CASD1: variants seen among roughly 807,000 people sequenced by gnomAD.
CASD1 encodes CAS1 domain sialic acid O acetyltransferase 1.
In CASD1, 41 loss-of-function variants were observed where a neutral mutation model predicts 100.0. That is an observed-to-expected ratio of 0.41 (90% CI 0.32 to 0.53). The LOEUF is 0.53. Among genes scored for constraint, CASD1 ranks in the 20% least tolerant of loss-of-function variants. The pLI, the probability that CASD1 is intolerant of heterozygous loss-of-function variation, is 0.25. For missense variants in CASD1, 774 were observed against 948.7 expected, an observed-to-expected ratio of 0.82 and a Z score of 2.42; for synonymous variants, 321 against 315.6, an observed-to-expected ratio of 1.02 and a Z score of -0.18.
At chr7:94,594,285 A>G in the CASD1 span, 2 of 152,126 alleles carry the variant, frequency 1.3e-5, no homozygotes, top group African/African-American at 4.8e-5. Flanking sequence ...CCAGGAATGA[A>G]TTTTAATAAC....
At chr7:94,600,721 A>T in the CASD1 span, 1 of 1,613,880 alleles carries the variant, frequency 6.2e-7, no homozygotes. Flanking sequence ...GGGCACAGCC[A>T]GTGTAATTAG....
the CASD1 span, among the ~76,000 whole-genome samples, chr7:94,571,870 CAAAA>C: frequency 3.2e-4 from 45 of 142,028 alleles, no homozygotes; most frequent in African/African-American, 1.0e-3. Flanking sequence ...ACTAAAACCT[CAAAA>C]AAAAAAAAAA....
chr7:94,535,196 A>G (rs1795060140), intron 7 of CASD1, 113 bp from the exon 8 acceptor site: 1 of 748,276 alleles, frequency 1.3e-6, no homozygotes, highest in South Asian at 1.8e-5. Flanking sequence ...ACCTGGTACC[A>G]TCTATACTTT....
chr7:94,586,061 GAAAAAAAAA>G, the CASD1 span, among the ~76,000 whole-genome samples: 9 of 28,908 alleles, frequency 3.1e-4, no homozygotes, highest in Non-Finnish European at 4.7e-4. Context: ...GGAACTAAAT[GAAAAAAAAA>G]AAAAAAAAAA....
intron 7 of CASD1, among the ~76,000 whole-genome samples, chr7:94,535,025 C>T (rs1479278577): frequency 1.3e-5 from 2 of 152,134 alleles, no homozygotes; most frequent in African/African-American, 2.4e-5. Context: ...ACTCTTAAGA[C>T]ATGCTGGAGC....
chr7:94,551,211 A>G (rs546286777), intron 14 of CASD1, 127 bp from the exon 15 acceptor site: 117 of 611,120 alleles, frequency 1.9e-4, no homozygotes, highest in Non-Finnish European at 2.8e-4. Context: ...GAAGTCCTTC[A>G]TAGACACTTC....
At chr7:94,536,243 A>G (rs907855111) in intron 8 of CASD1, among the ~76,000 whole-genome samples, 6 of 152,188 alleles carry the variant, frequency 3.9e-5, no homozygotes, top group African/African-American at 1.4e-4. Flanking sequence ...ACTCCATCTC[A>G]AGAAAAGAAA....
chr7:94,613,740 A>G, the CASD1 span, among the ~76,000 whole-genome samples: 1 of 152,242 alleles, frequency 6.6e-6, no homozygotes, highest in Non-Finnish European at 1.5e-5. Context: ...TGCCCAATTA[A>G]TGAATATACT....
At chr7:94,530,026 C>G (rs776589199) in intron 5 of CASD1, among the ~76,000 whole-genome samples, 1 of 152,058 alleles carries the variant, frequency 6.6e-6, no homozygotes, top group African/African-American at 2.4e-5. Context: ...ACTGTTGATA[C>G]ACTGGTTAAC....
the CASD1 span, among the ~76,000 whole-genome samples, chr7:94,562,445 A>T: frequency 6.6e-6 from 1 of 152,102 alleles, no homozygotes; most frequent in South Asian, 2.1e-4. Context: ...TTTTTGCCTC[A>T]CTGGTTATGT....
In CASD1 at chr7:94,543,612, G is replaced by A. The variant is rs530052182; in HGVS notation, c.1357-799G>A. ...GGAGGTTGCAGTGAGCCGAGATCAC[G>A]CCACTGCATTCCAGCCTGGGCGACA... is the stretch of plus-strand genomic sequence containing the variant. On this transcript the variant is annotated intron_variant, in intron 10 of 17. Transcript: ENST00000297273. Among the ~76,000 whole-genome samples, 350 of 151,334 alleles carry A rather than the reference G, an allele frequency of 2.3e-3. 1 individual carries two copies. Among genetic ancestry groups the A allele is most frequent in the African/African-American group, 8.1e-3 (333 of 41,228 alleles).
At chr7:94,569,837 A>T in the CASD1 span, among the ~76,000 whole-genome samples, 1 of 147,586 alleles carries the variant, frequency 6.8e-6, no homozygotes, top group Non-Finnish European at 1.5e-5. Flanking sequence ...TTTTTGAGAC[A>T]GAGTCTTACT....
At chr7:94,519,671 T>C (rs1794158805) in intron 3 of CASD1, among the ~76,000 whole-genome samples, 1 of 152,044 alleles carries the variant, frequency 6.6e-6, no homozygotes, top group South Asian at 2.1e-4. Flanking sequence ...TTTTTAATAA[T>C]TAAAAAAATT....
intron 3 of CASD1, among the ~76,000 whole-genome samples, chr7:94,519,323 G>A (rs529482621): frequency 3.0e-4 from 45 of 152,190 alleles, no homozygotes; most frequent in Admixed American, 2.4e-3. Flanking sequence ...GAGGGGAATA[G>A]CAAAGGGGGG....
chr7:94,587,019 GGC>G, the CASD1 span: 1 of 982,936 alleles, frequency 1.0e-6, no homozygotes, highest in Non-Finnish European at 1.2e-6. Flanking sequence ...GAAGGTAATA[GGC>G]TCTAGTGTTA....
chr7:94,580,193 T>C, the CASD1 span, among the ~76,000 whole-genome samples: 6 of 152,216 alleles, frequency 3.9e-5, no homozygotes, highest in Non-Finnish European at 7.3e-5. Flanking sequence ...TTTGTATGTA[T>C]AAAAAGGTCA....
chr7:94,613,626 TTATAATGTGAAGAAAC>T, the CASD1 span, among the ~76,000 whole-genome samples: 3 of 152,206 alleles, frequency 2.0e-5, no homozygotes, highest in African/African-American at 7.2e-5. Context: ...GCCTTTACAT[TTATAATGTGAAGAAAC>T]AAGTAATGGT....
the CASD1 span, among the ~76,000 whole-genome samples, chr7:94,568,321 G>A: frequency 6.6e-6 from 1 of 152,072 alleles, no homozygotes; most frequent in Non-Finnish European, 1.5e-5. Flanking sequence ...CAAGAAGGTT[G>A]TCATTTTAAA....
intron 2 of CASD1, among the ~76,000 whole-genome samples, 167 bp from the exon 3 acceptor site, chr7:94,518,036 T>G (rs950279393): frequency 6.6e-6 from 1 of 152,246 alleles, no homozygotes; most frequent in South Asian, 2.1e-4. Context: ...GTTAACTGAT[T>G]ACAGGAACGT....
Sources: gnomAD v4.1 joint callset for allele counts (sites outside exome capture counted in the v4.1 genomes callset) on GRCh38, gnomAD v4.1.1 for gene constraint, MANE v1.5 for transcripts, NCBI Gene and HGNC (gene_info 2026-07-23, HGNC 2026-07-21) for gene names.